The following POLR1C variants were observed in gnomAD, a reference collection of about 807,000 sequenced individuals.
The protein encoded by POLR1C is DNA-directed RNA polymerases I and III subunit RPAC1.
In POLR1C, 42 loss-of-function variants were observed where a neutral mutation model predicts 38.3. That is an observed-to-expected ratio of 1.10 (90% confidence interval 0.86 to 1.42). POLR1C has a LOEUF of 1.42. Among genes scored for constraint, POLR1C ranks in the 40% most tolerant of loss-of-function variants. POLR1C has a pLI of 0.00. For synonymous variants in POLR1C, 163 were observed against 163.9 expected (o/e 0.99, Z 0.04); for missense variants, 507 against 450.5 (o/e 1.13, Z -1.14).
At chr6:43,539,124 G>A (rs1323256345) in intron 9 of POLR1C, 23 of 1,210,198 alleles carry the variant, frequency 1.9e-5, no homozygotes, top group Middle Eastern at 2.6e-4. Flanking sequence ...GGGATGAGGC[G>A]CACCAGCACA....
At chr6:43,519,648 G>T (rs1013501496) in intron 3 of POLR1C, 58 bp from the exon 4 acceptor site, 2 of 1,613,026 alleles carry the variant, frequency 1.2e-6, no homozygotes, top group African/African-American at 1.3e-5. Context: ...GGGGTTACGG[G>T]GATAGGTAGG....
chr6:43,525,771 C>T, downstream of POLR1C: 1 of 1,526,452 alleles, frequency 6.6e-7, no homozygotes, highest in Non-Finnish European at 8.9e-7. Context: ...CACCATAGAG[C>T]AAGAAAAGTA....
downstream of POLR1C, chr6:43,531,695 C>A: frequency 1.2e-6 from 1 of 840,106 alleles, no homozygotes; most frequent in Non-Finnish European, 2.0e-6. Context: ...TGGTGCTGTA[C>A]TGCAAAGCAG....
downstream of POLR1C, chr6:43,525,363 C>G: frequency 2.8e-6 from 2 of 713,888 alleles, no homozygotes; most frequent in Non-Finnish European, 4.5e-6. Context: ...GTCCTGAACT[C>G]CTGGGCTCAA....
At chr6:43,552,095 C>T (rs1337248511) in intron 10 of POLR1C, among the ~76,000 whole-genome samples, 1 of 152,168 alleles carries the variant, frequency 6.6e-6, no homozygotes, top group African/African-American at 2.4e-5. Context: ...TTATATATCA[C>T]TCTTGGTTGC....
chr6:43,521,333 G>C lies in POLR1C; in HGVS notation c.*33G>C. ...TGCTTCTGAGGCAAGCTGAAGCTTTGGGTTCTGACTGACCCACCCTACAGG... is the reference window on the plus strand; with the variant it reads ...TGCTTCTGAGGCAAGCTGAAGCTTTCGGTTCTGACTGACCCACCCTACAGG... On this transcript the variant is annotated 3_prime_UTR_variant, in exon 9 of 9. Transcript: ENST00000642195. The C allele has an allele frequency of 2.5e-6, 4 of 1,611,654 alleles. No homozygotes were observed. The highest frequency in any genetic ancestry group is 3.4e-6 in the Non-Finnish European group (4 of 1,179,814).
At chr6:43,557,106 C>T (rs9472075) in intron 10 of POLR1C, among the ~76,000 whole-genome samples, 5,722 of 132,336 alleles carry the variant, frequency 0.043, 156 homozygotes, top group Non-Finnish European at 0.062. Flanking sequence ...CCAGCCTGGG[C>T]GACAGAGCAA....
chr6:43,538,789 C>G, intron 9 of POLR1C: 1 of 760,232 alleles, frequency 1.3e-6, no homozygotes. Context: ...TTTTCCCACG[C>G]TTAATTCACT....
downstream of POLR1C, chr6:43,530,780 A>C (rs1447497143): frequency 6.2e-7 from 1 of 1,613,892 alleles, no homozygotes; most frequent in Non-Finnish European, 8.5e-7. Context: ...CACAGTATAG[A>C]AGTCTTGCTG....
intron 9 of POLR1C, among the ~76,000 whole-genome samples, chr6:43,542,545 G>T (rs535799599): frequency 1.3e-5 from 2 of 152,180 alleles, no homozygotes; most frequent in African/African-American, 4.8e-5. Context: ...GAGTAGCTGG[G>T]ATTACAGGCA....
chr6:43,551,345 G>A (rs768483468), intron 10 of POLR1C: 1 of 1,613,894 alleles, frequency 6.2e-7, no homozygotes, highest in Non-Finnish European at 8.5e-7. Flanking sequence ...GTGACAAATG[G>A]AAAGAGTGCA....
chr6:43,535,307 T>C (rs562910735), intron 9 of POLR1C, among the ~76,000 whole-genome samples: 2 of 149,316 alleles, frequency 1.3e-5, no homozygotes, highest in South Asian at 2.1e-4. Flanking sequence ...AGTGTTTCTA[T>C]GGCTGGGCCC....
chr6:43,554,116 TTG>T (rs2127736423), intron 10 of POLR1C, among the ~76,000 whole-genome samples: 1 of 152,294 alleles, frequency 6.6e-6, no homozygotes, highest in African/African-American at 2.4e-5. Flanking sequence ...TTTTCTTTTT[TTG>T]TTTGTTTGAG....
downstream of POLR1C, chr6:43,534,088 C>T (rs1172645686): frequency 2.7e-5 from 30 of 1,102,494 alleles, 1 homozygote; most frequent in South Asian, 3.1e-4. Flanking sequence ...TCCAGTGATA[C>T]TACAGTTTCA....
chr6:43,547,230 G>A (rs960033530), intron 9 of POLR1C: 2 of 369,794 alleles, frequency 5.4e-6, no homozygotes, highest in Admixed American at 8.2e-5. Context: ...TATTTAAATA[G>A]CAAAGCACTG....
chr6:43,527,956 A>T (rs963803358), intron 8 of POLR1C, among the ~76,000 whole-genome samples: 1 of 152,246 alleles, frequency 6.6e-6, no homozygotes, highest in African/African-American at 2.4e-5. Flanking sequence ...GTAAGGTAAC[A>T]GTAGCCCCTA....
exon 9 of POLR1C, chr6:43,529,249 G>T (rs766135958): frequency 2.2e-6 from 3 of 1,378,104 alleles, no homozygotes; most frequent in Non-Finnish European, 2.9e-6. Flanking sequence ...ATAATTTCAG[G>T]TAAGAAAGAT....
downstream of POLR1C, chr6:43,523,887 G>A (rs1037364083): frequency 1.2e-6 from 2 of 1,614,016 alleles, no homozygotes; most frequent in Admixed American, 3.3e-5. Context: ...AAAGATGGTG[G>A]CCAGGCCACC....
intron 9 of POLR1C, chr6:43,549,493 A>G: frequency 1.9e-6 from 3 of 1,610,018 alleles, no homozygotes; most frequent in Non-Finnish European, 1.7e-6. Flanking sequence ...GCTTACCAGC[A>G]CAAGCTGGGG....
Sources: gnomAD v4.1 joint callset for allele counts (sites outside exome capture counted in the v4.1 genomes callset) on GRCh38, gnomAD v4.1.1 for gene constraint, MANE v1.5 for transcripts, NCBI Gene and HGNC (gene_info 2026-07-23, HGNC 2026-07-21) for gene names.